ZNF148: variants seen among roughly 807,000 people sequenced by gnomAD.
ZNF148 encodes the protein zinc finger protein 148.
Under a neutral mutation model 67.7 loss-of-function variants are expected in ZNF148, and 7 were observed. That is an observed-to-expected ratio of 0.10 (90% CI 0.06 to 0.19). ZNF148 has a LOEUF of 0.19. Among genes scored for constraint, ZNF148 ranks in the 10% least tolerant of loss-of-function variants. The pLI is 1.00. For synonymous variants in ZNF148, 333 were observed against 330.7 expected, an observed-to-expected ratio of 1.01 and a Z score of -0.08; for missense variants, 583 against 947.1, an observed-to-expected ratio of 0.62 and a Z score of 5.05.
intron 2 of ZNF148, among the ~76,000 whole-genome samples, chr3:125,328,940 T>C (rs1354361544): frequency 6.6e-6 from 1 of 151,876 alleles, no homozygotes; most frequent in Non-Finnish European, 1.5e-5. Context: ...ATCCACCAAA[T>C]TGTTAAATGT....
chr3:125,326,318 G>A (rs73859169), intron 2 of ZNF148, among the ~76,000 whole-genome samples: 1,536 of 151,964 alleles, frequency 0.01, 32 homozygotes, highest in African/African-American at 0.034. Context: ...CAATGATCAC[G>A]ACACTGTACT....
In ZNF148 at chr3:125,295,366, T is replaced by C. The variant is rs80156214; in HGVS notation, c.334-7138A>G. Among the ~76,000 whole-genome samples, 1,211 of 150,892 alleles carry C rather than the reference T, an allele frequency of 8.0e-3. 21 individuals are homozygous for C. Among genetic ancestry groups the C allele is most frequent in the African/African-American group, 0.027 (1,122 of 41,032 alleles). On this transcript the variant is annotated intron_variant, in intron 4 of 8. Transcript: ENST00000360647. ...TACTTGGGAGGCTGAGGCAGGAAAATAGCTTGAACCCAGGTGGCAGAGGTT... is the reference window on the plus strand; with the variant it reads ...TACTTGGGAGGCTGAGGCAGGAAAACAGCTTGAACCCAGGTGGCAGAGGTT...
At position 125,225,675 on chromosome 3, in the gene ZNF148, T is replaced by A. The variant is rs572888205; in HGVS notation, c.*6666A>T. ...CTCAATGACAACACATTAATTCAAG[T>A]GACTTCAATTTTTTATTTTTTCTTA... is the stretch of plus-strand genomic sequence containing the variant. On this transcript the variant is annotated 3_prime_UTR_variant, in exon 9 of 9. Coordinates refer to ENST00000360647, the MANE Select transcript of ZNF148 (RefSeq NM_021964.3). 1.3e-5 allele frequency: 2 copies of A among 152,320 alleles called. No homozygotes were observed. Among genetic ancestry groups the A allele is most frequent in the African/African-American group, 4.8e-5 (2 of 41,562 alleles). The allele number at this position is 152,320 out of a possible 1,614,324, so 9.4% of individuals were successfully genotyped here. A position where few individuals can be genotyped will look rare whatever the true frequency, so the allele number is the denominator to read the frequency against.
Position 125,233,285 on chromosome 3 carries a change from T to C in ZNF148, c.1441A>G (p.Ser481Gly). ...AGCGCATATTCCCTGCTGTTGTTAC[T>C]TGCTGCTTGAAGATACCGCTTCTTC... ...LKKKRYLQAASNNSREYALNV... is the reference protein window; with the variant it reads ...LKKKRYLQAAGNNSREYALNV... Residue 481 changes from serine to glycine, a missense_variant, in exon 9 of 9, where the codon AGT becomes GGT. Ser to Gly is a moderately conservative substitution (Grantham distance 56, BLOSUM62 0). This residue lies in a region of ZNF148 where 172 missense variants were observed against 307.7 expected (regional missense o/e 0.56). Coordinates refer to ENST00000360647, the MANE Select transcript of ZNF148 (RefSeq NM_021964.3). The surrounding 1 kb of genome is among the most constrained non-coding windows in gnomAD (Gnocchi z 5.1). 2.5e-6 allele frequency: 4 copies of C among 1,613,966 alleles called. No individual in the cohort carries two copies. Among genetic ancestry groups the C allele is most frequent in the Non-Finnish European group, 3.4e-6 (4 of 1,179,916 alleles).
intron 7 of ZNF148, among the ~76,000 whole-genome samples, chr3:125,272,845 C>A (rs1937830388): frequency 6.6e-6 from 1 of 152,174 alleles, no homozygotes; most frequent in African/African-American, 2.4e-5. Flanking sequence ...TCAGTCCCAG[C>A]AATCCATACT....
intron 5 of ZNF148, among the ~76,000 whole-genome samples, chr3:125,284,398 G>A (rs945885443): frequency 6.6e-6 from 1 of 152,088 alleles, no homozygotes; most frequent in Non-Finnish European, 1.5e-5. Flanking sequence ...ATGTTAAGTG[G>A]CCACCCAGAT....
intron 5 of ZNF148, among the ~76,000 whole-genome samples, chr3:125,280,182 A>G (rs1938303065): frequency 6.6e-6 from 1 of 152,190 alleles, no homozygotes; most frequent in Non-Finnish European, 1.5e-5. Context: ...GTACTGAATA[A>G]GAAAATTATT....
intron 1 of ZNF148, among the ~76,000 whole-genome samples, chr3:125,343,103 A>C (rs567583656): frequency 6.6e-6 from 1 of 152,206 alleles, no homozygotes; most frequent in Non-Finnish European, 1.5e-5. Flanking sequence ...TTTCTGTAGA[A>C]GATTCATCCT....
At chr3:125,285,787 C>CT (rs1938624642) in intron 5 of ZNF148, among the ~76,000 whole-genome samples, 1 of 152,126 alleles carries the variant, frequency 6.6e-6, no homozygotes, top group African/African-American at 2.4e-5. Flanking sequence ...AAAACATTCT[C>CT]TTATACGCAC....
intron 1 of ZNF148, among the ~76,000 whole-genome samples, chr3:125,358,036 G>A (rs1175757703): frequency 6.6e-6 from 1 of 152,182 alleles, no homozygotes; most frequent in African/African-American, 2.4e-5. Context: ...AATCGGACCG[G>A]CGCGGGGACT....
chr3:125,296,374 C>T (rs550866424), intron 4 of ZNF148, among the ~76,000 whole-genome samples: 8 of 152,318 alleles, frequency 5.3e-5, no homozygotes, highest in Non-Finnish European at 8.8e-5. Flanking sequence ...CCACCCGCCT[C>T]GGCCTCCCAA....
At chr3:125,318,471 T>C (rs1940623624) in intron 3 of ZNF148, among the ~76,000 whole-genome samples, 1 of 151,582 alleles carries the variant, frequency 6.6e-6, no homozygotes, top group Non-Finnish European at 1.5e-5. Context: ...TTCCTTTAAA[T>C]CTTATTACTC....
rs1385067840 is a variant in ZNF148, at chr3:125,228,486, T to C, written c.*3855A>G. 1 of 152,650 alleles carries C rather than the reference T, an allele frequency of 6.6e-6. No individual in the cohort carries two copies. The highest frequency in any genetic ancestry group is 2.4e-5 in the African/African-American group (1 of 41,458). The allele number at this position is 152,650 out of a possible 1,614,324, so 9.5% of individuals were successfully genotyped here. On this transcript the variant is annotated 3_prime_UTR_variant, in exon 9 of 9. Coordinates refer to ENST00000360647, the MANE Select transcript of ZNF148 (RefSeq NM_021964.3). ...GATAATTAATAACTCTGAAATGTTT[T>C]TAGAACTTTCCTGATGCTACTTGTA... is the stretch of plus-strand genomic sequence containing the variant.
At chr3:125,356,032 C>T (rs1289608422) in intron 1 of ZNF148, among the ~76,000 whole-genome samples, 3 of 152,100 alleles carry the variant, frequency 2.0e-5, no homozygotes, top group African/African-American at 7.2e-5. Context: ...TGAGAACACT[C>T]GCATGAAAAA....
intron 7 of ZNF148, among the ~76,000 whole-genome samples, chr3:125,267,480 T>C (rs1490624624): frequency 6.6e-6 from 1 of 152,030 alleles, no homozygotes; most frequent in Non-Finnish European, 1.5e-5. Flanking sequence ...CACATAATCA[T>C]ATGATCATCT....
At chr3:125,369,786 G>A (rs1393209891) in intron 1 of ZNF148, among the ~76,000 whole-genome samples, 1 of 152,086 alleles carries the variant, frequency 6.6e-6, no homozygotes, top group African/African-American at 2.4e-5. Flanking sequence ...GACCAGCCTG[G>A]CCAGAATGGT....
At chr3:125,275,446 A>G (rs545963251) in intron 7 of ZNF148, among the ~76,000 whole-genome samples, 19 of 152,338 alleles carry the variant, frequency 1.2e-4, no homozygotes, top group African/African-American at 4.1e-4. Context: ...CCCATTCTGC[A>G]TAGCCAGTGA....
intron 2 of ZNF148, among the ~76,000 whole-genome samples, chr3:125,325,087 T>G (rs1021113090): frequency 6.6e-6 from 1 of 152,108 alleles, no homozygotes; most frequent in Non-Finnish European, 1.5e-5. Flanking sequence ...GTTAAATATG[T>G]TAAAAGGAAC....
In ZNF148 at chr3:125,233,028, T is replaced by C. The variant is rs760643798; in HGVS notation, c.1698A>G (p.Glu566=). The C allele has an allele frequency of 6.2e-7, 1 of 1,613,480 alleles. No homozygotes were observed. Among genetic ancestry groups the C allele is most frequent in the East Asian group, 2.2e-5 (1 of 44,898 alleles). The change falls in exon 9 of 9, where the codon GAA becomes GAG. Residue 566 remains glutamate (E), a synonymous_variant. Coordinates refer to ENST00000360647, the MANE Select transcript of ZNF148 (RefSeq NM_021964.3). This position sits in a 1 kb window ranked among gnomAD's most constrained non-coding sequence, Gnocchi z 5.1. ...AATTTATTGATATGCTAGAAGTCACTTCAGTATCTGCAACACTGAAGGATA... is the reference window on the plus strand; with the variant it reads ...AATTTATTGATATGCTAGAAGTCACCTCAGTATCTGCAACACTGAAGGATA... ...HEISFSVADT[E]VTSSISINSS... is the part of the protein sequence containing the mutation.
Sources: allele counts gnomAD v4.1 joint callset (sites outside exome capture counted in the v4.1 genomes callset), GRCh38; gene constraint gnomAD v4.1.1; regional missense constraint gnomAD v4.1.1; non-coding constraint Gnocchi (gnomAD v3.1); transcripts MANE v1.5; gene names NCBI Gene and HGNC (gene_info 2026-07-23, HGNC 2026-07-21).